The following TBC1D19 variants were observed in gnomAD, a reference collection of about 807,000 sequenced individuals.
The protein encoded by TBC1D19 is TBC1 domain family member 19, also known as TBC1 domain family, member 19.
Under a neutral mutation model 89.0 loss-of-function variants are expected in TBC1D19, and 60 were observed. The observed-to-expected ratio is 0.67, with a 90% CI of 0.55 to 0.84. The LOEUF (loss-of-function observed/expected upper bound fraction) is 0.84, where lower values mean the gene tolerates loss of function less well. Ranked by LOEUF, TBC1D19 falls within the 40% of genes least tolerant of loss-of-function variation. The pLI, the probability that TBC1D19 is intolerant of heterozygous loss-of-function variation, is 0.00. For synonymous variants in TBC1D19, 189 were observed against 199.7 expected (o/e 0.95, Z 0.45); for missense variants, 500 against 610.8 (o/e 0.82, Z 1.91).
intron 13 of TBC1D19, among the ~76,000 whole-genome samples, chr4:26,693,735 C>G (rs2109177920): frequency 6.6e-6 from 1 of 151,808 alleles, no homozygotes; most frequent in East Asian, 1.9e-4. Context: ...GACAATGTCT[C>G]CTCTAATACA....
the TBC1D19 span, among the ~76,000 whole-genome samples, chr4:26,806,193 C>T: frequency 2.6e-5 from 4 of 152,162 alleles, no homozygotes; most frequent in African/African-American, 9.7e-5. Flanking sequence ...ATCCGCCCTC[C>T]AGCCTTCCTA....
At chr4:26,707,824 A>G (rs997234606) in intron 13 of TBC1D19, among the ~76,000 whole-genome samples, 5 of 152,012 alleles carry the variant, frequency 3.3e-5, no homozygotes, top group Non-Finnish European at 7.4e-5. Flanking sequence ...CAAAATTTGT[A>G]TTACTTTACG....
At chr4:26,715,900 G>A (rs1247121897) in intron 13 of TBC1D19, among the ~76,000 whole-genome samples, 1 of 152,048 alleles carries the variant, frequency 6.6e-6, no homozygotes, top group Non-Finnish European at 1.5e-5. Context: ...GAAAGCCACT[G>A]TCAATAGTCT....
chr4:26,634,667 C>T (rs973741794), intron 4 of TBC1D19, among the ~76,000 whole-genome samples: 17 of 152,154 alleles, frequency 1.1e-4, no homozygotes, highest in African/African-American at 3.9e-4. Flanking sequence ...TTTAATAAAA[C>T]TTAACTTTTT....
intron 1 of TBC1D19, among the ~76,000 whole-genome samples, chr4:26,596,005 G>A (rs1485721450): frequency 6.6e-6 from 1 of 152,066 alleles, no homozygotes; most frequent in Non-Finnish European, 1.5e-5. Flanking sequence ...CGCCCGGGCT[G>A]GAGTGTGGTG....
chr4:26,641,374 GCATCAA>G (rs1743508015), intron 7 of TBC1D19, among the ~76,000 whole-genome samples: 1 of 152,188 alleles, frequency 6.6e-6, no homozygotes, highest in African/African-American at 2.4e-5. Context: ...GAAAGGAATA[GCATCAA>G]CATCAACAAA....
At chr4:26,813,334 ATCCC>A in the TBC1D19 span, among the ~76,000 whole-genome samples, 1 of 152,232 alleles carries the variant, frequency 6.6e-6, no homozygotes, top group Non-Finnish European at 1.5e-5. Flanking sequence ...ATAATCTCTT[ATCCC>A]TCCTTCACAA....
intron 8 of TBC1D19, 101 bp downstream of exon 8, chr4:26,659,808 TAAAC>T: frequency 1.7e-6 from 1 of 594,402 alleles, no homozygotes; most frequent in Non-Finnish European, 2.7e-6. Flanking sequence ...ATCTACTCAT[TAAAC>T]AAATTAATAA....
At chr4:26,823,144 A>C in the TBC1D19 span, among the ~76,000 whole-genome samples, 9 of 152,208 alleles carry the variant, frequency 5.9e-5, no homozygotes, top group South Asian at 2.1e-4. Context: ...AGCAAGTCAC[A>C]TCTTACATGG....
chr4:26,582,389 T>C (rs1178377376), upstream of TBC1D19, among the ~76,000 whole-genome samples: 1 of 152,160 alleles, frequency 6.6e-6, no homozygotes, highest in Non-Finnish European at 1.5e-5. Context: ...CCAGGCACTA[T>C]CTATGCCTTT....
chr4:26,595,545 T>C (rs1479394380), intron 1 of TBC1D19, among the ~76,000 whole-genome samples: 1 of 152,210 alleles, frequency 6.6e-6, no homozygotes, highest in African/African-American at 2.4e-5. Context: ...CTTATATTTC[T>C]ATGTGTTACA....
At chr4:26,666,062 A>C (rs1711779811) in intron 8 of TBC1D19, among the ~76,000 whole-genome samples, 2 of 151,964 alleles carry the variant, frequency 1.3e-5, no homozygotes, top group Admixed American at 1.3e-4. Context: ...ATATTTCCTA[A>C]ATGCTTATAT....
At chr4:26,608,568 A>G (rs905562053) in intron 1 of TBC1D19, among the ~76,000 whole-genome samples, 4 of 152,206 alleles carry the variant, frequency 2.6e-5, no homozygotes, top group African/African-American at 9.6e-5. Flanking sequence ...TGCAAAGTAT[A>G]TCTAGGAGGT....
At chr4:26,677,386 T>C (rs961904053) in intron 11 of TBC1D19, among the ~76,000 whole-genome samples, 1 of 151,908 alleles carries the variant, frequency 6.6e-6, no homozygotes, top group Non-Finnish European at 1.5e-5. Context: ...TGGTGCGATC[T>C]TGGCTTACTG....
intron 4 of TBC1D19, among the ~76,000 whole-genome samples, chr4:26,626,915 T>A (rs1742449370): frequency 6.6e-6 from 1 of 150,882 alleles, no homozygotes; most frequent in Admixed American, 6.6e-5. Flanking sequence ...ATACTTTAAG[T>A]TTCAGGGTAC....
chr4:26,667,315 A>G (rs933884810), intron 9 of TBC1D19, among the ~76,000 whole-genome samples: 6 of 152,072 alleles, frequency 3.9e-5, no homozygotes, highest in African/African-American at 1.4e-4. Flanking sequence ...ACCTATTAAA[A>G]TACCCAGAAC....
chr4:26,680,599 G>A (rs1713248892), intron 11 of TBC1D19, among the ~76,000 whole-genome samples: 2 of 152,052 alleles, frequency 1.3e-5, no homozygotes, highest in African/African-American at 2.4e-5. Flanking sequence ...GTAATGCTGA[G>A]TTAATCACTT....
chr4:26,840,272 A>G, the TBC1D19 span, among the ~76,000 whole-genome samples: 149,049 of 152,164 alleles, frequency 0.98, 73,023 homozygotes, highest in East Asian at 1. Flanking sequence ...AGTAGAGACG[A>G]GGTCTTACCA....
chr4:26,849,207 C>A, the TBC1D19 span, among the ~76,000 whole-genome samples: 3 of 54,194 alleles, frequency 5.5e-5, no homozygotes, highest in Non-Finnish European at 1.7e-4. Flanking sequence ...CACAAACACA[C>A]ACACACACAC....
Sources: gnomAD v4.1 joint callset for allele counts (sites outside exome capture counted in the v4.1 genomes callset) on GRCh38, gnomAD v4.1.1 for gene constraint, MANE v1.5 for transcripts, NCBI Gene and HGNC (gene_info 2026-07-23, HGNC 2026-07-21) for gene names.